The following STAB2 variants were observed in gnomAD, a reference collection of about 807,000 sequenced individuals.
STAB2 encodes the protein stabilin-2.
STAB2 carries 288 observed loss-of-function variants against 338.1 expected under a neutral mutation model. That is an observed-to-expected ratio of 0.85 (90% confidence interval 0.77 to 0.94). The LOEUF (loss-of-function observed/expected upper bound fraction) is 0.94, where lower values mean the gene tolerates loss of function less well. STAB2 is among the 40% of genes least tolerant of loss of function. The pLI, the probability that STAB2 is intolerant of heterozygous loss-of-function variation, is 0.00. For missense variants in STAB2, 3,141 were observed against 3,210.1 expected, an observed-to-expected ratio of 0.98 and a Z score of 0.52; for synonymous variants, 1,202 against 1,193.3, an observed-to-expected ratio of 1.01 and a Z score of -0.15.
chr12:103,747,099 G>A (rs756373026), intron 58 of STAB2, among the ~76,000 whole-genome samples: 1 of 151,792 alleles, frequency 6.6e-6, no homozygotes, highest in African/African-American at 2.4e-5. Flanking sequence ...TGGGATTACA[G>A]GCATGCGCCA....
chr12:103,697,110 C>T (rs1310434709), intron 33 of STAB2, among the ~76,000 whole-genome samples: 3 of 152,216 alleles, frequency 2.0e-5, no homozygotes, highest in African/African-American at 7.2e-5. Context: ...CATGTCCAGT[C>T]CCACCTCCTC....
At chr12:103,694,384 TC>T (rs1383015430) in intron 31 of STAB2, among the ~76,000 whole-genome samples, 2 of 152,074 alleles carry the variant, frequency 1.3e-5, no homozygotes, top group East Asian at 3.9e-4. Flanking sequence ...TCCTCCCCCT[TC>T]AGCTCCAACA....
At chr12:103,745,397 G>A (rs934797625) in intron 57 of STAB2, 120 bp downstream of exon 57, 3 of 868,184 alleles carry the variant, frequency 3.5e-6, no homozygotes, top group Non-Finnish European at 5.2e-6. Flanking sequence ...GCAGGTCCAT[G>A]TGGTAAAAGA....
chr12:103,637,892 G>A, intron 7 of STAB2, 124 bp from the exon 8 acceptor site: 1 of 997,046 alleles, frequency 1.0e-6, no homozygotes, highest in South Asian at 1.6e-5. Context: ...GAAATGAAAG[G>A]AAATGTTTGT....
Position 103,675,962 on chromosome 12 carries a change from A to G in STAB2, c.2587A>G (p.Thr863Ala), listed in dbSNP as rs757963788. The G allele has an allele frequency of 6.2e-7, 1 of 1,613,138 alleles. No individual in the cohort carries two copies. Among genetic ancestry groups the G allele is most frequent in the African/African-American group, 1.3e-5 (1 of 74,752 alleles). ...ICKAGYEGDG[T>A]LCSEMDPCTG... ...CAAAGCAGGATATGAAGGAGATGGA[A>G]CTCTGTGTTCTGAGATGGACCCTTG... is the stretch of plus-strand genomic sequence containing the variant. Residue 863 changes from threonine (T) to alanine (A), a missense_variant, in exon 24 of 69, where the codon ACT (threonine) becomes GCT (alanine). Transcript: ENST00000388887.
In STAB2 at chr12:103,755,611, G is replaced by A. The variant is rs778062093; in HGVS notation, c.6881-1G>A. 19 of 1,613,980 alleles carry A rather than the reference G, an allele frequency of 1.2e-5. No homozygotes were observed. Among genetic ancestry groups the A allele is most frequent in the Non-Finnish European group, 1.6e-5 (19 of 1,180,018 alleles). ...GGACCCTGTGTGCCTCTGCCCTCCAGATGTGAACTGCACCTGCAAGGTGGG... is the reference window on the plus strand; with the variant it reads ...GGACCCTGTGTGCCTCTGCCCTCCAAATGTGAACTGCACCTGCAAGGTGGG... On this transcript the variant is annotated splice_acceptor_variant, in intron 62 of 68. Transcript: ENST00000388887. LOFTEE classifies it high-confidence loss of function.
chr12:103,727,491 G>A, intron 47 of STAB2, 141 bp downstream of exon 47: 1 of 943,086 alleles, frequency 1.1e-6, no homozygotes, highest in East Asian at 2.5e-5. Flanking sequence ...AGAAGGGGCT[G>A]CCTCTTGGCA....
In STAB2 at chr12:103,705,784, A is replaced by G. The variant is rs78257182; in HGVS notation, c.3996+57A>G. ...TGCAGCACCATTGGGAAAATCCATC[A>G]TATGGTATCCTTTTCAAAATCCCTG... On this transcript the variant is annotated intron_variant, in intron 37 of 68. Transcript: ENST00000388887. The G allele has an allele frequency of 7.6e-4, 1,159 of 1,525,696 alleles. 17 individuals are homozygous for G. The East Asian group carries it at 0.023, about 31-fold the overall frequency. The allele number at this position is 1,525,696 out of a possible 1,614,324, so 94.5% of individuals were successfully genotyped here. A position where few individuals can be genotyped will look rare whatever the true frequency, so the allele number is the denominator to read the frequency against.
chr12:103,627,297 C>T (rs1957395688), intron 5 of STAB2, among the ~76,000 whole-genome samples: 1 of 152,158 alleles, frequency 6.6e-6, no homozygotes, highest in Non-Finnish European at 1.5e-5. Flanking sequence ...GGTGCCCAGT[C>T]CCAAGGAGCT....
rs780562898 is a variant in STAB2 at position 103,640,253 on chromosome 12, CTGAG to C, written c.1039_1040+2del. The C allele has an allele frequency of 6.2e-7, 1 of 1,608,438 alleles. No individual in the cohort carries two copies. Among genetic ancestry groups the C allele is most frequent in the Non-Finnish European group, 8.5e-7 (1 of 1,176,448 alleles). ...TGCACCACCGTCGCACCAGGCCGAA[CTGAG>C]TAAGTCTTTTCAATTCCTCCACCAA... On this transcript the variant is annotated splice_donor_variant and coding_sequence_variant, in exon 9 of 69. Transcript: ENST00000388887. LOFTEE classifies it high-confidence loss of function.
intron 3 of STAB2, among the ~76,000 whole-genome samples, chr12:103,602,978 GA>G (rs1400660244): frequency 6.6e-6 from 1 of 152,084 alleles, no homozygotes; most frequent in East Asian, 1.9e-4. Flanking sequence ...ATATCACAAA[GA>G]TTTTTTTCTA....
intron 15 of STAB2, among the ~76,000 whole-genome samples, chr12:103,657,251 A>G (rs1874263791): frequency 6.7e-6 from 1 of 148,882 alleles, no homozygotes; most frequent in African/African-American, 2.5e-5. Flanking sequence ...AAAAAAGGTA[A>G]TGTTGTTCCC....
chr12:103,734,510 T>A (rs1451280286), intron 51 of STAB2, among the ~76,000 whole-genome samples: 1 of 151,666 alleles, frequency 6.6e-6, no homozygotes, highest in Non-Finnish European at 1.5e-5. Flanking sequence ...GGAACAAGCA[T>A]GATCATATGG....
rs537655513 is a variant in STAB2 at position 103,723,534 on chromosome 12, C to T, written c.4684-1441C>T. On this transcript the variant is annotated intron_variant, in intron 44 of 68. Coordinates refer to ENST00000388887, the MANE Select transcript of STAB2 (RefSeq NM_017564.10). ...GATTTGGGTGGGAACACAGGCAAAC[C>T]GTAACATCATCTCTAGAGAGAGGGA... Among the ~76,000 whole-genome samples the T allele has an allele frequency of 1.5e-4, 23 of 152,290 alleles. No homozygotes were observed. In the South Asian group the frequency reaches 1.7e-3, roughly 11 times the overall value.
chr12:103,631,049 T>C (rs1011132909), intron 5 of STAB2, among the ~76,000 whole-genome samples: 21 of 152,358 alleles, frequency 1.4e-4, no homozygotes, highest in African/African-American at 4.6e-4. Flanking sequence ...TCACATTCAT[T>C]TCAAATGCCC....
At chr12:103,748,360 C>T (rs1883246188) in intron 58 of STAB2, among the ~76,000 whole-genome samples, 1 of 151,942 alleles carries the variant, frequency 6.6e-6, no homozygotes, top group Admixed American at 6.6e-5. Flanking sequence ...ATCGTTGGGT[C>T]GATATTTGGG....
chr12:103,750,758 C>G (rs775457572), intron 60 of STAB2, 38 bp downstream of exon 60: 4 of 1,582,682 alleles, frequency 2.5e-6, no homozygotes, highest in Non-Finnish European at 3.4e-6. Context: ...AAGCACCCTC[C>G]TCTTCAGGCC....
At chr12:103,715,474 T>A (rs61601185) in intron 42 of STAB2, among the ~76,000 whole-genome samples, 5,708 of 152,298 alleles carry the variant, frequency 0.037, 170 homozygotes, top group African/African-American at 0.074. Flanking sequence ...TTGTTTTTAA[T>A]TCCTAAGTCT....
chr12:103,728,995 G>C lies in STAB2; in HGVS notation c.5082G>C (p.Gln1694His). The C allele has an allele frequency of 6.2e-7, 1 of 1,613,770 alleles. No homozygotes were observed. The highest frequency in any genetic ancestry group is 1.3e-5 in the African/African-American group (1 of 75,014). The part of the protein sequence containing the change: ...QGEPIVISVS[Q>H]STVYINNKAK... ...AGCCAATAGTCATCTCCGTCTCTCA[G>C]GTAGATGCCAGTTATCCTTAGGTCC... The change falls in exon 48 of 69, where the codon CAG becomes CAC. Residue 1694 changes from glutamine to histidine, a missense_variant and splice_region_variant. Physicochemically the swap from Gln to His is conservative, Grantham distance 24. Coordinates refer to ENST00000388887, the MANE Select transcript of STAB2 (RefSeq NM_017564.10).
Sources: allele counts gnomAD v4.1 joint callset (sites outside exome capture counted in the v4.1 genomes callset), GRCh38; gene constraint gnomAD v4.1.1; transcripts MANE v1.5; gene names NCBI Gene and HGNC (gene_info 2026-07-23, HGNC 2026-07-21).